SGCD: variants seen among roughly 807,000 people sequenced by gnomAD.
SGCD encodes delta-sarcoglycan.
Under a neutral mutation model 36.6 loss-of-function variants are expected in SGCD, and 18 were observed. The ratio of observed to expected loss-of-function variants is 0.49; its 90% CI spans 0.34 to 0.73. SGCD has a LOEUF of 0.73. SGCD is among the 30% of genes least tolerant of loss of function. SGCD has a pLI of 0.01. For missense variants in SGCD, 387 were observed against 346.7 expected (o/e 1.12, Z -0.92); for synonymous variants, 133 against 130.6 (o/e 1.02, Z -0.12).
chr5:156,558,823 G>A (rs757911369), intron 4 of SGCD, among the ~76,000 whole-genome samples: 3 of 152,162 alleles, frequency 2.0e-5, no homozygotes, highest in African/African-American at 4.8e-5. Flanking sequence ...GATCCCCAAC[G>A]AATGTGAAAA....
intron 4 of SGCD, among the ~76,000 whole-genome samples, chr5:156,554,346 G>A (rs1758920482): frequency 6.9e-6 from 1 of 145,504 alleles, no homozygotes; most frequent in East Asian, 2.0e-4. Flanking sequence ...CAGAGCGAGA[G>A]TCTGTCTCAA....
chr5:156,255,725 C>T (rs774730404), intron 3 of SGCD, among the ~76,000 whole-genome samples: 3 of 152,068 alleles, frequency 2.0e-5, no homozygotes, highest in South Asian at 2.1e-4. Flanking sequence ...CATTCATAAT[C>T]GTTCTTATTT....
At chr5:156,697,491 A>G (rs1349812984) in intron 7 of SGCD, among the ~76,000 whole-genome samples, 1 of 152,108 alleles carries the variant, frequency 6.6e-6, no homozygotes, top group Non-Finnish European at 1.5e-5. Flanking sequence ...TGCTTAATCT[A>G]GAGAATCCTG....
At chr5:156,140,265 AT>A (rs1352552628) in intron 3 of SGCD, among the ~76,000 whole-genome samples, 2 of 152,216 alleles carry the variant, frequency 1.3e-5, no homozygotes, top group Admixed American at 1.3e-4. Flanking sequence ...TGAAACAGTT[AT>A]AAAGTTAATT....
At chr5:155,731,427 G>A in the SGCD span, among the ~76,000 whole-genome samples, 3 of 152,064 alleles carry the variant, frequency 2.0e-5, no homozygotes, top group African/African-American at 2.4e-5. Flanking sequence ...GTTAATTTTC[G>A]TAAACCATGC....
chr5:156,430,371 T>C (rs917477150), intron 3 of SGCD, among the ~76,000 whole-genome samples: 22 of 152,124 alleles, frequency 1.4e-4, no homozygotes, highest in Non-Finnish European at 3.1e-4. Context: ...TGATTTTTTT[T>C]CTACTATTTT....
intron 3 of SGCD, among the ~76,000 whole-genome samples, chr5:156,445,529 G>A (rs982679777): frequency 6.6e-6 from 1 of 152,118 alleles, no homozygotes; most frequent in Non-Finnish European, 1.5e-5. Context: ...CCTCAGTCCG[G>A]TGTTCATGAT....
chr5:155,908,234 T>G (rs972768629), intron 1 of SGCD, among the ~76,000 whole-genome samples: 3 of 152,110 alleles, frequency 2.0e-5, no homozygotes, highest in Non-Finnish European at 4.4e-5. Flanking sequence ...GTTACTCACT[T>G]TGTTGCAAAT....
intron 1 of SGCD, among the ~76,000 whole-genome samples, chr5:156,106,811 T>G (rs1761659384): frequency 6.6e-6 from 1 of 152,192 alleles, no homozygotes. Flanking sequence ...TCAGTGATGT[T>G]GAGTATATGA....
chr5:156,225,158 C>A (rs561712464), intron 3 of SGCD, among the ~76,000 whole-genome samples: 3 of 151,940 alleles, frequency 2.0e-5, no homozygotes, highest in Non-Finnish European at 4.4e-5. Context: ...GTCAGAGGGC[C>A]CCTGCTCGAA....
rs1759220513 is a variant in SGCD, at chr5:156,560,455, G to C, written c.295-28776G>C. 2.6e-5 allele frequency among the ~76,000 whole-genome samples: 4 copies of C among 152,206 alleles called. No individual in the cohort carries two copies. In the South Asian group the frequency reaches 8.3e-4, roughly 32 times the overall value. ...ACTCCAAGCAACACCCAGAAATTCG[G>C]CTAAGTGTTGACATGAGGTTTCCAT... On this transcript the variant is annotated intron_variant, in intron 4 of 8. Transcript: ENST00000337851.
At chr5:156,626,221 G>T (rs1762437263) in intron 6 of SGCD, among the ~76,000 whole-genome samples, 1 of 152,192 alleles carries the variant, frequency 6.6e-6, no homozygotes. Flanking sequence ...CAGCGCCCCT[G>T]TAAATAACCT....
chr5:156,207,064 T>C (rs969034792), intron 3 of SGCD, among the ~76,000 whole-genome samples: 4 of 152,214 alleles, frequency 2.6e-5, no homozygotes, highest in East Asian at 1.9e-4. Context: ...TTACTTGAAA[T>C]GTTTTTAGAA....
chr5:156,287,090 A>G (rs1399934054), intron 3 of SGCD, among the ~76,000 whole-genome samples: 1 of 152,204 alleles, frequency 6.6e-6, no homozygotes, highest in Non-Finnish European at 1.5e-5. Flanking sequence ...CTCAGTGATA[A>G]CAAGTGTTAT....
chr5:156,053,280 C>T (rs1365971928), intron 1 of SGCD, among the ~76,000 whole-genome samples: 1 of 145,886 alleles, frequency 6.9e-6, no homozygotes, highest in Non-Finnish European at 1.5e-5. Flanking sequence ...CAGCACCACT[C>T]CCCAGTCCCC....
At chr5:156,590,811 G>C (rs979971695) in intron 5 of SGCD, among the ~76,000 whole-genome samples, 1 of 144,106 alleles carries the variant, frequency 6.9e-6, no homozygotes, top group East Asian at 2.1e-4. Flanking sequence ...CTCCCCTTCA[G>C]TGCTTCTCTC....
chr5:155,994,182 A>G (rs539925206), intron 1 of SGCD, among the ~76,000 whole-genome samples: 19 of 152,154 alleles, frequency 1.2e-4, no homozygotes, highest in Admixed American at 3.9e-4. Flanking sequence ...AGACTCCAGA[A>G]TCCAAAAGGA....
intron 3 of SGCD, among the ~76,000 whole-genome samples, chr5:156,222,889 A>C (rs962157881): frequency 3.3e-5 from 5 of 152,080 alleles, no homozygotes; most frequent in African/African-American, 9.7e-5. Flanking sequence ...ATCATTCAGG[A>C]AACCTTCCTG....
intron 3 of SGCD, among the ~76,000 whole-genome samples, chr5:156,201,347 A>G (rs946607500): frequency 2.0e-5 from 3 of 152,290 alleles, no homozygotes; most frequent in African/African-American, 7.2e-5. Context: ...ATTTTGAAAA[A>G]CTGAGGAACA....
Sources: allele counts gnomAD v4.1 joint callset (sites outside exome capture counted in the v4.1 genomes callset), GRCh38; gene constraint gnomAD v4.1.1; transcripts MANE v1.5; gene names NCBI Gene and HGNC (gene_info 2026-07-23, HGNC 2026-07-21).